The following NLN variants were observed in gnomAD, a reference collection of about 807,000 sequenced individuals.
NLN encodes neurolysin, mitochondrial.
NLN carries 64 observed loss-of-function variants against 79.9 expected under a neutral mutation model. The observed-to-expected ratio is 0.80, with a 90% CI of 0.65 to 0.99. The LOEUF (loss-of-function observed/expected upper bound fraction) is 0.99. Ranked by LOEUF, NLN falls within the 50% of genes least tolerant of loss-of-function variation. The pLI is 0.00. For synonymous variants in NLN, 267 were observed against 296.6 expected (o/e 0.90, Z 1.02); for missense variants, 835 against 858.7 (o/e 0.97, Z 0.34).
intron 12 of NLN, among the ~76,000 whole-genome samples, chr5:65,822,317 T>C (rs898873340): frequency 1.3e-5 from 2 of 152,160 alleles, no homozygotes; most frequent in Non-Finnish European, 2.9e-5. Flanking sequence ...AGGGTTCTGT[T>C]GTTGTTGTTT....
intron 9 of NLN, among the ~76,000 whole-genome samples, chr5:65,808,798 A>G (rs1348437178): frequency 6.6e-6 from 1 of 152,178 alleles, no homozygotes; most frequent in Non-Finnish European, 1.5e-5. Context: ...CTTGCCAATT[A>G]ATTTACAAAC....
At chr5:65,806,895 G>T (rs752166760) in intron 9 of NLN, among the ~76,000 whole-genome samples, 1 of 152,090 alleles carries the variant, frequency 6.6e-6, no homozygotes, top group Non-Finnish European at 1.5e-5. Flanking sequence ...AAGAAATAGC[G>T]GCTGGCTGCG....
At chr5:65,756,817 T>C (rs1270662370) in intron 1 of NLN, among the ~76,000 whole-genome samples, 1 of 152,192 alleles carries the variant, frequency 6.6e-6, no homozygotes, top group Non-Finnish European at 1.5e-5. Flanking sequence ...TTGGATGTTC[T>C]GATGATTCCC....
At chr5:65,792,849 C>T in intron 9 of NLN, 194 bp downstream of exon 9, 2 of 650,808 alleles carry the variant, frequency 3.1e-6, no homozygotes, top group African/African-American at 1.8e-5. Flanking sequence ...GGAGGTTCAT[C>T]TACCAGTGAA....
intron 1 of NLN, among the ~76,000 whole-genome samples, chr5:65,739,641 C>T (rs1051589223): frequency 4.6e-5 from 7 of 152,150 alleles, no homozygotes; most frequent in African/African-American, 9.7e-5. Context: ...ACAGTGTGTG[C>T]GGGTTCCCTT....
At chr5:65,798,590 CCT>C (rs1236719030) in intron 9 of NLN, among the ~76,000 whole-genome samples, 1 of 152,154 alleles carries the variant, frequency 6.6e-6, no homozygotes, top group Non-Finnish European at 1.5e-5. Context: ...CTGCTGTCAC[CCT>C]GTCTCCCTAG....
At chr5:65,738,749 C>T (rs1028182776) in intron 1 of NLN, among the ~76,000 whole-genome samples, 1 of 150,580 alleles carries the variant, frequency 6.6e-6, no homozygotes, top group Non-Finnish European at 1.5e-5. Context: ...CTGCTAGTAA[C>T]TACCTTTCTA....
chr5:65,787,952 C>G (rs1759968405), intron 7 of NLN, among the ~76,000 whole-genome samples, 166 bp from the exon 8 acceptor site: 1 of 152,168 alleles, frequency 6.6e-6, no homozygotes, highest in African/African-American at 2.4e-5. Context: ...ATAATACAGC[C>G]TGCTTTCCTC....
At chr5:65,747,140 G>A (rs1290164065) in intron 1 of NLN, among the ~76,000 whole-genome samples, 9 of 152,174 alleles carry the variant, frequency 5.9e-5, no homozygotes, top group Admixed American at 5.9e-4. Context: ...ATACTAGTTA[G>A]GAGTAAAGAG....
intron 11 of NLN, among the ~76,000 whole-genome samples, chr5:65,810,760 A>T (rs950233516): frequency 1.6e-4 from 25 of 152,086 alleles, no homozygotes; most frequent in African/African-American, 6.0e-4. Flanking sequence ...CAGGAAGATC[A>T]CTTGAGCTCG....
intron 9 of NLN, among the ~76,000 whole-genome samples, chr5:65,803,604 C>T (rs917480913): frequency 3.9e-5 from 6 of 152,124 alleles, no homozygotes; most frequent in African/African-American, 1.2e-4. Flanking sequence ...GGGTGGGGCT[C>T]CTGCCTTCTT....
At chr5:65,756,851 CCTTA>C (rs1759230804) in intron 1 of NLN, among the ~76,000 whole-genome samples, 2 of 152,132 alleles carry the variant, frequency 1.3e-5, no homozygotes, top group Admixed American at 6.6e-5. Flanking sequence ...TGCTAAATGA[CCTTA>C]CTTACCTTTT....
At chr5:65,802,372 C>T (rs927046639) in intron 9 of NLN, among the ~76,000 whole-genome samples, 17 of 152,188 alleles carry the variant, frequency 1.1e-4, no homozygotes, top group African/African-American at 3.4e-4. Flanking sequence ...CCGGACCAGG[C>T]GTACCACAAG....
chr5:65,781,445 T>A, intron 6 of NLN, 24 bp downstream of exon 6: 1 of 1,548,296 alleles, frequency 6.5e-7, no homozygotes, highest in Non-Finnish European at 8.9e-7. Flanking sequence ...TTGTCTTTCT[T>A]TTGTTTTTAA....
Position 65,763,024 on chromosome 5 carries a change from T to C in NLN, c.366T>C (p.Ser122=). 15 of 1,613,936 alleles carry C rather than the reference T, an allele frequency of 9.3e-6. No individual in the cohort carries two copies. Among genetic ancestry groups the C allele is most frequent in the Non-Finnish European group, 1.3e-5 (15 of 1,179,894 alleles). ...CTGACAAAGAAGTACGAGCAGCAAG[T>C]ACAGAAGCAGACAAAAGACTTTCTC... ...VSSDKEVRAA[S]TEADKRLSRF... Residue 122 remains serine, a synonymous_variant, in exon 3 of 13, where the codon AGT becomes AGC. Coordinates refer to ENST00000380985, the MANE Select transcript of NLN (RefSeq NM_020726.5).
intron 1 of NLN, among the ~76,000 whole-genome samples, chr5:65,730,076 A>G (rs562405040): frequency 6.6e-6 from 1 of 152,358 alleles, no homozygotes; most frequent in East Asian, 1.9e-4. Context: ...TTTATTGTCT[A>G]TTATATGCGA....
chr5:65,779,857 A>G (rs966090721), intron 4 of NLN, among the ~76,000 whole-genome samples: 7 of 152,190 alleles, frequency 4.6e-5, no homozygotes, highest in Non-Finnish European at 1.0e-4. Context: ...GTTTGGGCAC[A>G]GAAGTCAATC....
chr5:65,826,983 ATTT>A lies in NLN; in HGVS notation c.*4072_*4074del, dbSNP rs1038269386. The A allele has an allele frequency of 1.1e-4, 17 of 151,896 alleles. No homozygotes were observed. The highest frequency in any genetic ancestry group is 4.1e-4 in the African/African-American group (17 of 41,362). The allele number at this position is 151,896 out of a possible 1,614,324, so 9.4% of individuals were successfully genotyped here. On this transcript the variant is annotated 3_prime_UTR_variant, in exon 13 of 13. Transcript: ENST00000380985. The stretch of plus-strand genomic sequence containing the variant: ...AAAACAGTCAACGTCCAAAAAGTTT[ATTT>A]TTTGAGTCACCTTTAATAGAGAAAT...
chr5:65,732,208 G>A (rs1004993555), intron 1 of NLN, among the ~76,000 whole-genome samples: 1 of 152,180 alleles, frequency 6.6e-6, no homozygotes, highest in Non-Finnish European at 1.5e-5. Flanking sequence ...AGTATAAAAG[G>A]AAGTCCAGCT....
Sources: allele counts gnomAD v4.1 joint callset (sites outside exome capture counted in the v4.1 genomes callset), GRCh38; gene constraint gnomAD v4.1.1; transcripts MANE v1.5; gene names NCBI Gene and HGNC (gene_info 2026-07-23, HGNC 2026-07-21).